Variants in TSKS observed in about 807,000 individuals in gnomAD.
TSKS encodes testis-specific serine kinase substrate.
TSKS carries 27 observed loss-of-function variants against 68.0 expected under a neutral mutation model. That is an observed-to-expected ratio of 0.40 (90% CI 0.29 to 0.55). TSKS has a LOEUF of 0.55. Ranked by LOEUF, TSKS falls within the 20% of genes least tolerant of loss-of-function variation. The pLI, the probability that TSKS is intolerant of heterozygous loss-of-function variation, is 0.53. For missense variants in TSKS, 806 were observed against 776.0 expected (o/e 1.04, Z -0.46); for synonymous variants, 331 against 340.4 (o/e 0.97, Z 0.30).
intron 1 of TSKS, 94 bp from the exon 2 acceptor site, chr19:49,762,326 T>A: frequency 1.1e-6 from 1 of 877,736 alleles, no homozygotes; most frequent in Non-Finnish European, 1.8e-6. Flanking sequence ...CCCCTGTGAC[T>A]CCACCCTCAC....
In TSKS at chr19:49,762,172, C is replaced by G; in HGVS notation, c.231G>C (p.Ser77=). The G allele has an allele frequency of 2.5e-6, 4 of 1,614,036 alleles. No individual in the cohort carries two copies. The highest frequency in any genetic ancestry group is 3.4e-6 in the Non-Finnish European group (4 of 1,180,028). The change falls in exon 2 of 11, where the codon TCG becomes TCC. Residue 77 remains serine, a synonymous_variant. Transcript: ENST00000246801. ...MHWCLNLKRS[S]ACTNVSLLNL... ...TGAGCAGTGACACGTTGGTGCAGGC[C>G]GAGGACCGTTTGAGGTTCAGGCACC...
chr19:49,745,398 T>A lies in TSKS; in HGVS notation c.993-2A>T, dbSNP rs2084289734. Reference sequence around the variant, plus strand: ...GCGGTCAGTGAGGACACCTCTCTCCTGGAGGGGCAGAGGAGGGGAATGGGT... The same window carrying A: ...GCGGTCAGTGAGGACACCTCTCTCCAGGAGGGGCAGAGGAGGGGAATGGGT... On this transcript the variant is annotated splice_acceptor_variant, in intron 6 of 10. Transcript: ENST00000246801. LOFTEE classifies it high-confidence loss of function. 6 of 1,544,472 alleles carry A rather than the reference T, an allele frequency of 3.9e-6. No homozygotes were observed. Among genetic ancestry groups the A allele is most frequent in the Non-Finnish European group, 5.2e-6 (6 of 1,147,350 alleles).
chr19:49,756,408 A>G (rs909792276), intron 2 of TSKS, among the ~76,000 whole-genome samples: 11 of 152,096 alleles, frequency 7.2e-5, no homozygotes, highest in Non-Finnish European at 1.3e-4. Context: ...GCAGTGAGCT[A>G]TGATGGCACC....
At chr19:49,758,862 CTT>C (rs967624469) in intron 2 of TSKS, among the ~76,000 whole-genome samples, 2 of 145,596 alleles carry the variant, frequency 1.4e-5, no homozygotes, top group Non-Finnish European at 1.5e-5. Flanking sequence ...TTAGTTGTTT[CTT>C]TTTTTTTTTT....
intron 5 of TSKS, among the ~76,000 whole-genome samples, 187 bp from the exon 6 acceptor site, chr19:49,746,985 A>G (rs1453178281): frequency 6.6e-6 from 1 of 152,180 alleles, no homozygotes; most frequent in Non-Finnish European, 1.5e-5. Context: ...TTGGACTCCA[A>G]TTCCCGCTAA....
intron 2 of TSKS, among the ~76,000 whole-genome samples, chr19:49,750,394 G>A (rs1222480113): frequency 6.6e-6 from 1 of 151,900 alleles, no homozygotes; most frequent in African/African-American, 2.4e-5. Context: ...GAATAGCTGG[G>A]ACTACGGGCG....
chr19:49,758,999 A>C lies in TSKS; in HGVS notation c.399+3005T>G, dbSNP rs375395245. 3.5e-4 allele frequency among the ~76,000 whole-genome samples: 53 copies of C among 151,922 alleles called. No individual in the cohort carries two copies. In the South Asian group the frequency reaches 8.9e-3, roughly 26 times the overall value. On this transcript the variant is annotated intron_variant, in intron 2 of 10. Transcript: ENST00000246801. The stretch of plus-strand genomic sequence containing the variant: ...CAGCCTCCCACATAGCTGGGATTAC[A>C]GGCATGTGCCACCACGTCCGGCTAA...
intron 2 of TSKS, among the ~76,000 whole-genome samples, chr19:49,761,736 G>T (rs766390717): frequency 2.6e-5 from 4 of 152,116 alleles, no homozygotes; most frequent in African/African-American, 4.8e-5. Flanking sequence ...GGCCGAGGTG[G>T]GAGGATCACT....
At chr19:49,751,270 C>T (rs988213668) in intron 2 of TSKS, among the ~76,000 whole-genome samples, 41 of 141,722 alleles carry the variant, frequency 2.9e-4, no homozygotes, top group African/African-American at 1.1e-3. Flanking sequence ...CGCCATTGCA[C>T]TCCAGCCTGG....
intron 9 of TSKS, among the ~76,000 whole-genome samples, 189 bp downstream of exon 9, chr19:49,741,696 T>A (rs1367537042): frequency 6.6e-6 from 1 of 152,112 alleles, no homozygotes; most frequent in African/African-American, 2.4e-5. Context: ...GGCCTGTGAC[T>A]CACTCACCAC....
intron 2 of TSKS, among the ~76,000 whole-genome samples, chr19:49,757,890 C>CTTT (rs745890038): frequency 1.0e-4 from 13 of 130,184 alleles, no homozygotes; most frequent in Non-Finnish European, 1.6e-4. Context: ...TCTCTGTCTT[C>CTTT]TTTTTTTTTT....
intron 2 of TSKS, among the ~76,000 whole-genome samples, chr19:49,761,350 C>G (rs1296581161): frequency 6.6e-6 from 1 of 152,124 alleles, no homozygotes; most frequent in Non-Finnish European, 1.5e-5. Context: ...ACCCTCTATA[C>G]TTTTGCCAGA....
At chr19:49,747,042 C>T (rs775459373) in intron 5 of TSKS, 193 of 1,313,208 alleles carry the variant, frequency 1.5e-4, no homozygotes, top group Non-Finnish European at 1.9e-4. Flanking sequence ...TCCAAGCCCT[C>T]CAGGCGTCAA....
At chr19:49,750,889 TAGAC>T (rs556034126) in intron 2 of TSKS, among the ~76,000 whole-genome samples, 41 of 152,308 alleles carry the variant, frequency 2.7e-4, no homozygotes, top group African/African-American at 8.9e-4. Context: ...ACACAAAAGA[TAGAC>T]AGAATAAGTT....
intron 3 of TSKS, 29 bp downstream of exon 3, chr19:49,748,345 C>G (rs1568563153): frequency 6.2e-7 from 1 of 1,608,314 alleles, no homozygotes; most frequent in East Asian, 2.2e-5. Context: ...GGAGGAAGGG[C>G]AGGTGTTGGA....
rs751528535 is a variant in TSKS, at chr19:49,744,352, G to T, written c.1240C>A (p.Leu414Met). Reference protein sequence around the residue: ...VASLRSELEGLGPLKPILEEF... With the variant: ...VASLRSELEGMGPLKPILEEF... ...TCCAGAATGGGTTTCAGTGGGCCCA[G>T]CCCCTCCAGTTCGCTCCTCAGTGAA... The change falls in exon 8 of 11, where the codon CTG (leucine) becomes ATG (methionine). Residue 414 changes from leucine to methionine, a missense_variant. Physicochemically the swap from Leu to Met is conservative, Grantham distance 15 (BLOSUM62 2). Coordinates refer to ENST00000246801, the MANE Select transcript of TSKS (RefSeq NM_021733.2). 1 of 1,614,050 alleles carries T rather than the reference G, an allele frequency of 6.2e-7. No homozygotes were observed. The highest frequency in any genetic ancestry group is 1.1e-5 in the South Asian group (1 of 91,078).
intron 5 of TSKS, among the ~76,000 whole-genome samples, 191 bp from the exon 6 acceptor site, chr19:49,746,989 C>G (rs2084308149): frequency 1.3e-5 from 2 of 152,240 alleles, no homozygotes. Flanking sequence ...ACTCCAATTC[C>G]CGCTAACCTC....
Position 49,739,913 on chromosome 19 carries a change from C to T in TSKS, c.1642G>A (p.Asp548Asn). 1 of 1,612,080 alleles carries T rather than the reference C, an allele frequency of 6.2e-7. No homozygotes were observed. The highest frequency in any genetic ancestry group is 1.7e-4 in the Middle Eastern group (1 of 6,054). The change falls in exon 11 of 11, where the codon GAC becomes AAC. Residue 548 changes from aspartate (D) to asparagine (N), a missense_variant. Coordinates refer to ENST00000246801, the MANE Select transcript of TSKS (RefSeq NM_021733.2). Reference sequence around the variant, plus strand: ...GAGCACATCTTCAAGTGTAGATGGTCCAGAGTGGCCATCTTCTCCCTGTCA... The same window carrying T: ...GAGCACATCTTCAAGTGTAGATGGTTCAGAGTGGCCATCTTCTCCCTGTCA... Reference protein sequence around the residue: ...MKPEEKMATLDHLHLKMCSLH... With the variant: ...MKPEEKMATLNHLHLKMCSLH...
chr19:49,753,519 G>A (rs188580152), intron 2 of TSKS, among the ~76,000 whole-genome samples: 41 of 150,922 alleles, frequency 2.7e-4, no homozygotes, highest in East Asian at 1.4e-3. Context: ...CCGAGATCGC[G>A]CCATTGCACT....
Sources: allele counts gnomAD v4.1 joint callset (sites outside exome capture counted in the v4.1 genomes callset), GRCh38; gene constraint gnomAD v4.1.1; transcripts MANE v1.5; gene names NCBI Gene and HGNC (gene_info 2026-07-23, HGNC 2026-07-21).